The following EFCAB12 variants were observed in gnomAD, a reference collection of about 807,000 sequenced individuals.
The protein encoded by EFCAB12 is EF-hand calcium-binding domain-containing protein 12.
EFCAB12 carries 43 observed loss-of-function variants against 53.6 expected under a neutral mutation model. That is an observed-to-expected ratio of 0.80 (90% CI 0.63 to 1.03). The LOEUF is 1.03. Among genes scored for constraint, EFCAB12 ranks in the 50% least tolerant of loss-of-function variants. The probability of loss-of-function intolerance (pLI) is 0.00; values close to 1 mark genes in which losing one functional copy is unlikely to be tolerated. For missense variants in EFCAB12, 646 were observed against 730.6 expected (o/e 0.88, Z 1.34); for synonymous variants, 269 against 289.2 (o/e 0.93, Z 0.71).
intron 3 of EFCAB12, among the ~76,000 whole-genome samples, chr3:129,417,690 C>T (rs2072135528): frequency 6.6e-6 from 1 of 152,148 alleles, no homozygotes; most frequent in South Asian, 2.1e-4. Flanking sequence ...AAATATGTGG[C>T]TGGTGTGATT....
Position 129,428,477 on chromosome 3 carries a change from G to C in EFCAB12, c.12C>G (p.Asp4Glu). ...AGAACAGACTGTGGTACGCTTCATA[G>C]TCGTCGTCCATGGTCGTGGTGCTGG... is the stretch of plus-strand genomic sequence containing the variant. MDD[D>E]YEAYHSLFLS... Residue 4 changes from aspartate (D) to glutamate (E), a missense_variant, in exon 1 of 9, where the codon GAC (aspartate) becomes GAG (glutamate). Physicochemically the swap from Asp to Glu is conservative, Grantham distance 45. Coordinates refer to ENST00000505956, the MANE Select transcript of EFCAB12 (RefSeq NM_207307.3). 4 of 1,611,586 alleles carry C rather than the reference G, an allele frequency of 2.5e-6. No individual in the cohort carries two copies. The highest frequency in any genetic ancestry group is 3.4e-6 in the Non-Finnish European group (4 of 1,178,858).
intron 4 of EFCAB12, chr3:129,412,475 T>TAGATAGATAGACAGAC (rs1443719392): frequency 3.1e-5 from 4 of 130,836 alleles, no homozygotes; most frequent in East Asian, 2.1e-4. Flanking sequence ...GATAGATAGA[T>TAGATAGATAGACAGAC]AGACAGACTG....
rs377734340 is a variant in EFCAB12, at chr3:129,404,346, C to A, written c.1307G>T (p.Arg436Leu). 1.2e-5 allele frequency: 20 copies of A among 1,613,716 alleles called. No individual in the cohort carries two copies. The Admixed American group carries it at 3.0e-4, about 24-fold the overall frequency. The change falls in exon 7 of 9, where the codon CGG (arginine) becomes CTG (leucine). Residue 436 changes from arginine to leucine, a missense_variant. By Grantham distance (102) the Arg-to-Leu change is moderately radical. Transcript: ENST00000505956. ...GTCAGAGTAGTAGCCTCCCGGCTGCCGGATGGGGCACACTTTGTCCATCTG... is the reference window on the plus strand; with the variant it reads ...GTCAGAGTAGTAGCCTCCCGGCTGCAGGATGGGGCACACTTTGTCCATCTG... Reference protein sequence around the residue: ...IFQMDKVCPIRQPGGYYSDWK... With the variant: ...IFQMDKVCPILQPGGYYSDWK...
chr3:129,425,558 C>T (rs1220336017), intron 1 of EFCAB12, among the ~76,000 whole-genome samples: 1 of 152,188 alleles, frequency 6.6e-6, no homozygotes, highest in Non-Finnish European at 1.5e-5. Context: ...GAGTCATTCT[C>T]CTCACAGTTC....
Position 129,401,715 on chromosome 3 carries a change from C to T in EFCAB12, c.1597G>A (p.Val533Ile), listed in dbSNP as rs1483451590. The T allele has an allele frequency of 5.6e-6, 9 of 1,597,102 alleles. No individual in the cohort carries two copies. Among genetic ancestry groups the T allele is most frequent in the Non-Finnish European group, 6.8e-6 (8 of 1,171,902 alleles). Residue 533 changes from valine to isoleucine, a missense_variant, in exon 9 of 9, where the codon GTT becomes ATT. Val to Ile is a conservative substitution (Grantham distance 29). Coordinates refer to ENST00000505956, the MANE Select transcript of EFCAB12 (RefSeq NM_207307.3). Reference sequence around the variant, plus strand: ...GGGTAGACATGGGGCTGGTGTTGAACACAACTGAAGAGCGCCAGGCTCCGG... The same window carrying T: ...GGGTAGACATGGGGCTGGTGTTGAATACAACTGAAGAGCGCCAGGCTCCGG... ...TDRSLALFSCVQHQPHVYPAT... is the reference protein window; with the variant it reads ...TDRSLALFSCIQHQPHVYPAT...
chr3:129,421,878 T>C, intron 1 of EFCAB12, 75 bp from the exon 2 acceptor site: 4 of 1,441,078 alleles, frequency 2.8e-6, no homozygotes, highest in Non-Finnish European at 3.7e-6. Context: ...AAAAACACTT[T>C]TGCTCCAGGC....
At chr3:129,406,010 C>T (rs187304715) in intron 6 of EFCAB12, among the ~76,000 whole-genome samples, 43 of 150,018 alleles carry the variant, frequency 2.9e-4, no homozygotes, top group Middle Eastern at 3.4e-3. Flanking sequence ...CCCAGGAGTT[C>T]GAGATCAGCC....
chr3:129,405,988 C>T (rs548155688), intron 6 of EFCAB12, among the ~76,000 whole-genome samples: 23 of 150,940 alleles, frequency 1.5e-4, no homozygotes, highest in Admixed American at 6.0e-4. Context: ...TGAAGTGGGA[C>T]GATCGCTTGA....
chr3:129,407,901 G>A (rs923059318), intron 6 of EFCAB12, among the ~76,000 whole-genome samples: 2 of 152,218 alleles, frequency 1.3e-5, no homozygotes, highest in African/African-American at 4.8e-5. Flanking sequence ...GCGACAGAGT[G>A]AGACTCCATT....
In EFCAB12 at chr3:129,411,263, T is replaced by C. The variant is rs1470140461; in HGVS notation, c.930A>G (p.Leu310=). The C allele has an allele frequency of 1.9e-6, 3 of 1,613,616 alleles. No homozygotes were observed. Among genetic ancestry groups the C allele is most frequent in the Admixed American group, 3.3e-5 (2 of 59,972 alleles). The change falls in exon 5 of 9, where the codon CTA becomes CTG. Residue 310 remains leucine (L), a synonymous_variant. Coordinates refer to ENST00000505956, the MANE Select transcript of EFCAB12 (RefSeq NM_207307.3). ...DSAPQLPKVD[L]LTVPAVDTQM... is the part of the protein sequence containing the mutation. Reference sequence around the variant, plus strand: ...GCGTGTCGACTGCAGGCACCGTCAGTAGGTCCACTTTGGGAAGCTGTGGGG... The same window carrying C: ...GCGTGTCGACTGCAGGCACCGTCAGCAGGTCCACTTTGGGAAGCTGTGGGG...
intron 1 of EFCAB12, among the ~76,000 whole-genome samples, chr3:129,424,674 T>A (rs6796070): frequency 0.076 from 11,599 of 152,242 alleles, 1,232 homozygotes; most frequent in East Asian, 0.46. Context: ...AAACAACACA[T>A]GTATCATTAC....
Position 129,428,598 on chromosome 3 carries a change from G to A in EFCAB12, c.-110C>T. 7.4e-7 allele frequency: 1 copy of A among 1,355,114 alleles called. No homozygotes were observed. The highest frequency in any genetic ancestry group is 1.0e-6 in the Non-Finnish European group (1 of 989,852). 83.9% of individuals were successfully genotyped at this position (1,355,114 alleles called of 1,614,324 possible). A position where few individuals can be genotyped will look rare whatever the true frequency, so the allele number is the denominator to read the frequency against. ...CAGATAAACCGTAACTCCAAGTCGT[G>A]CGAAAGGCGCTCAGCTCAGACTGCA... On this transcript the variant is annotated 5_prime_UTR_variant, in exon 1 of 9. Coordinates refer to ENST00000505956, the MANE Select transcript of EFCAB12 (RefSeq NM_207307.3).
chr3:129,418,390 G>A lies in EFCAB12; in HGVS notation c.545C>T (p.Pro182Leu). The change falls in exon 3 of 9, where the codon CCC (proline) becomes CTC (leucine). Residue 182 changes from proline (P) to leucine (L), a missense_variant. Coordinates refer to ENST00000505956, the MANE Select transcript of EFCAB12 (RefSeq NM_207307.3). Reference protein sequence around the residue: ...SRQMVPQLQLPEPPALSVMYS... With the variant: ...SRQMVPQLQLLEPPALSVMYS... ...CATGACCGACAGGGCAGGGGGCTCGGGCAGCTGGAGCTGGGGCACCATCTG... is the reference window on the plus strand; with the variant it reads ...CATGACCGACAGGGCAGGGGGCTCGAGCAGCTGGAGCTGGGGCACCATCTG... 2 of 1,613,538 alleles carry A rather than the reference G, an allele frequency of 1.2e-6. No individual in the cohort carries two copies. The highest frequency in any genetic ancestry group is 1.7e-6 in the Non-Finnish European group (2 of 1,179,690).
At chr3:129,402,795 A>C (rs888122102) in intron 7 of EFCAB12, 8 of 548,952 alleles carry the variant, frequency 1.5e-5, no homozygotes, top group Non-Finnish European at 2.6e-5. Flanking sequence ...CTACCCTCAG[A>C]ATCTGGCCAG....
Position 129,401,349 on chromosome 3 carries a change from A to G in EFCAB12, c.*244T>C. ...AATGAGAAAAACTCCAACCTGCTTT[A>G]TGTAGAAAGGGCAGAGGTCAGGGGA... On this transcript the variant is annotated 3_prime_UTR_variant, in exon 9 of 9. Coordinates refer to ENST00000505956, the MANE Select transcript of EFCAB12 (RefSeq NM_207307.3). The G allele has an allele frequency of 2.3e-6, 1 of 440,840 alleles. No individual in the cohort carries two copies. The highest frequency in any genetic ancestry group is 3.9e-6 in the Non-Finnish European group (1 of 255,592). The allele number at this position is 440,840 out of a possible 1,614,324, so 27.3% of individuals were successfully genotyped here. A position where few individuals can be genotyped will look rare whatever the true frequency, so the allele number is the denominator to read the frequency against.
chr3:129,401,942 G>C, intron 8 of EFCAB12, 91 bp from the exon 9 acceptor site: 6 of 1,501,770 alleles, frequency 4.0e-6, no homozygotes, highest in Non-Finnish European at 5.4e-6. Flanking sequence ...TGACCAAAGT[G>C]GAGATTTAGC....
At position 129,408,732 on chromosome 3, in the gene EFCAB12, G is replaced by T. The variant is rs578026955; in HGVS notation, c.1162C>A (p.Arg388Ser). The T allele has an allele frequency of 5.7e-6, 9 of 1,585,402 alleles. No individual in the cohort carries two copies. In the African/African-American group the frequency reaches 1.2e-4, roughly 21 times the overall value. ...GDMRELIDSA[R>S]RHNFLVYLQC... ...AGGTAGACCAGAAAGTTGTGCCTGC[G>T]GGCCGAGTCAATGAGCTCCCTCATA... Residue 388 changes from arginine to serine, a missense_variant, in exon 6 of 9, where the codon CGC (arginine) becomes AGC (serine). By Grantham distance (110) the Arg-to-Ser change is moderately radical. Transcript: ENST00000505956.
chr3:129,404,414 C>A lies in EFCAB12; in HGVS notation c.1250-11G>T. On this transcript the variant is annotated splice_polypyrimidine_tract_variant and intron_variant, in intron 6 of 8. Transcript: ENST00000505956. Reference sequence around the variant, plus strand: ...CTGGGTACAGCAAGGCTGTGGACAGCAAGAGAAACATCTGCACCCATCAAC... The same window carrying A: ...CTGGGTACAGCAAGGCTGTGGACAGAAAGAGAAACATCTGCACCCATCAAC... The A allele has an allele frequency of 1.2e-6, 2 of 1,610,168 alleles. No individual in the cohort carries two copies. Among genetic ancestry groups the A allele is most frequent in the Non-Finnish European group, 1.7e-6 (2 of 1,178,142 alleles).
Position 129,404,536 on chromosome 3 carries a change from A to G in EFCAB12, c.1250-133T>C, listed in dbSNP as rs898625184. On this transcript the variant is annotated intron_variant, in intron 6 of 8. Coordinates refer to ENST00000505956, the MANE Select transcript of EFCAB12 (RefSeq NM_207307.3). Reference sequence around the variant, plus strand: ...TAAGACGTTTTCTTCTTATCTATATAGTAACTTTTTATTGTTGAATAGTTG... The same window carrying G: ...TAAGACGTTTTCTTCTTATCTATATGGTAACTTTTTATTGTTGAATAGTTG... 3.9e-5 allele frequency: 42 copies of G among 1,071,188 alleles called. 1 individual carries two copies. In the Admixed American group the frequency reaches 1.0e-3, roughly 26 times the overall value. 66.4% of individuals were successfully genotyped at this position (1,071,188 alleles called of 1,614,324 possible). A position where few individuals can be genotyped will look rare whatever the true frequency, so the allele number is the denominator to read the frequency against.
Sources: allele counts gnomAD v4.1 joint callset (sites outside exome capture counted in the v4.1 genomes callset), GRCh38; gene constraint gnomAD v4.1.1; transcripts MANE v1.5; gene names NCBI Gene and HGNC (gene_info 2026-07-23, HGNC 2026-07-21).